The following TRIQK variants were observed in gnomAD, a reference collection of about 807,000 sequenced individuals.
The protein encoded by TRIQK is triple QxxK/R motif containing, also known as triple QxxK/R motif-containing protein.
TRIQK carries 10 observed loss-of-function variants against 10.8 expected under a neutral mutation model. The ratio of observed to expected loss-of-function variants is 0.92; its 90% CI spans 0.57 to 1.57. The LOEUF (loss-of-function observed/expected upper bound fraction) is 1.57. Among genes scored for constraint, TRIQK ranks in the 40% most tolerant of loss-of-function variants. The probability of loss-of-function intolerance (pLI) is 0.00; values close to 1 mark genes in which losing one functional copy is unlikely to be tolerated. For missense variants in TRIQK, 107 were observed against 97.7 expected, an observed-to-expected ratio of 1.09 and a Z score of -0.40; for synonymous variants, 33 against 33.7, an observed-to-expected ratio of 0.98 and a Z score of 0.07.
intron 3 of TRIQK, among the ~76,000 whole-genome samples, chr8:92,915,287 C>A (rs1469076935): frequency 2.0e-5 from 3 of 152,014 alleles, no homozygotes; most frequent in Admixed American, 2.0e-4. Context: ...ATCTAATATA[C>A]CACATGAGAA....
chr8:92,904,321 C>A (rs1809128280), intron 3 of TRIQK, among the ~76,000 whole-genome samples: 2 of 152,100 alleles, frequency 1.3e-5, no homozygotes, highest in South Asian at 4.2e-4. Context: ...AACTATTACT[C>A]CCTTTCTTTA....
chr8:92,961,045 C>T lies in TRIQK; in HGVS notation c.-181+4962G>A, dbSNP rs189924136. Among the ~76,000 whole-genome samples, 44 of 152,208 alleles carry T rather than the reference C, an allele frequency of 2.9e-4. 2 individuals are homozygous for T. The highest frequency in any genetic ancestry group is 2.0e-3 in the Admixed American group (31 of 15,286). ...GCCATGTATTCTTGAATGTGTTGGA[C>T]GGCAAATAACTCCCCGAAATGTTCT... On this transcript the variant is annotated intron_variant, in intron 1 of 4. Transcript: ENST00000521988.
intron 2 of TRIQK, among the ~76,000 whole-genome samples, chr8:92,936,480 G>A (rs1270789280): frequency 6.6e-6 from 1 of 151,580 alleles, no homozygotes; most frequent in Non-Finnish European, 1.5e-5. Context: ...GAGGGAGGCA[G>A]GAAGGAGAAA....
intron 1 of TRIQK, among the ~76,000 whole-genome samples, chr8:93,007,725 A>G (rs1813288838): frequency 1.3e-5 from 2 of 152,202 alleles, no homozygotes; most frequent in African/African-American, 4.8e-5. Flanking sequence ...AGAACTTCAC[A>G]ATGCAAAGAC....
At chr8:92,898,931 G>A (rs898348268) in intron 3 of TRIQK, among the ~76,000 whole-genome samples, 1 of 142,066 alleles carries the variant, frequency 7.0e-6, no homozygotes, top group Non-Finnish European at 1.5e-5. Context: ...ATCACATCAG[G>A]GTAAATGCGG....
chr8:92,991,513 A>G (rs1813096292), intron 1 of TRIQK, among the ~76,000 whole-genome samples: 1 of 152,152 alleles, frequency 6.6e-6, no homozygotes, highest in Admixed American at 6.5e-5. Context: ...TCTCAAAATA[A>G]TAAGAGCTAT....
chr8:92,889,146 T>C (rs923020178), intron 4 of TRIQK, among the ~76,000 whole-genome samples: 7 of 151,632 alleles, frequency 4.6e-5, no homozygotes, highest in Non-Finnish European at 8.9e-5. Flanking sequence ...TAATATCTTA[T>C]ATGGAAATTG....
At chr8:92,922,155 C>G (rs922758344) in intron 2 of TRIQK, 1 of 151,642 alleles carries the variant, frequency 6.6e-6, no homozygotes, top group African/African-American at 2.4e-5. Flanking sequence ...GCAATAAAAT[C>G]AAGACAGCAC....
At chr8:92,996,730 A>G (rs1335329052) in intron 1 of TRIQK, among the ~76,000 whole-genome samples, 2 of 151,988 alleles carry the variant, frequency 1.3e-5, no homozygotes, top group African/African-American at 4.8e-5. Context: ...CTGTTTTATT[A>G]TTACTAAAGG....
chr8:92,918,957 A>G (rs1459446386), intron 2 of TRIQK, among the ~76,000 whole-genome samples: 1 of 151,872 alleles, frequency 6.6e-6, no homozygotes, highest in Non-Finnish European at 1.5e-5. Context: ...CAGTTTTCCC[A>G]GGACCATTTA....
intron 3 of TRIQK, among the ~76,000 whole-genome samples, chr8:92,910,042 A>G (rs1315017689): frequency 1.3e-5 from 2 of 151,634 alleles, no homozygotes; most frequent in Admixed American, 6.6e-5. Context: ...GGTTAGGTTA[A>G]ACAAAGGGTA....
chr8:92,964,590 TCTAAATAACC>T lies in TRIQK; in HGVS notation c.-181+1407_-181+1416del, dbSNP rs1812639658. Among the ~76,000 whole-genome samples, 5 of 148,162 alleles carry T rather than the reference TCTAAATAACC, an allele frequency of 3.4e-5. 1 individual carries two copies. The South Asian group carries it at 8.4e-4, about 25-fold the overall frequency. ...TAGATGAGTTAATTTCTTCCCCATT[TCTAAATAACC>T]CTAAGATTAAAAAAAAAAAAAATCA... On this transcript the variant is annotated intron_variant, in intron 1 of 4. Coordinates refer to ENST00000521988, the MANE Select transcript of TRIQK (RefSeq NM_001171797.2).
At chr8:92,893,682 A>G (rs1455374191) in intron 3 of TRIQK, among the ~76,000 whole-genome samples, 2 of 152,018 alleles carry the variant, frequency 1.3e-5, no homozygotes, top group East Asian at 1.9e-4. Context: ...TGAGCTATAA[A>G]CAGTTCAGAA....
chr8:93,003,104 A>C (rs1196513797), intron 1 of TRIQK, among the ~76,000 whole-genome samples: 6 of 152,128 alleles, frequency 3.9e-5, no homozygotes, highest in Non-Finnish European at 8.8e-5. Context: ...TGAGTTTCTT[A>C]ACATTAAAAA....
In TRIQK at chr8:92,959,424, C is replaced by A. The variant is rs1424795455; in HGVS notation, c.-180-4860G>T. Among the ~76,000 whole-genome samples, 6 of 148,734 alleles carry A rather than the reference C, an allele frequency of 4.0e-5. No homozygotes were observed. The East Asian group carries it at 1.2e-3, about 31-fold the overall frequency. ...TTTTATATTAGCAGTCAATTTTTAG[C>A]TATATTTAACAAAACTATTTAAAGT... On this transcript the variant is annotated intron_variant, in intron 1 of 4. Coordinates refer to ENST00000521988, the MANE Select transcript of TRIQK (RefSeq NM_001171797.2).
intron 3 of TRIQK, among the ~76,000 whole-genome samples, chr8:92,895,871 G>A (rs1262065537): frequency 6.6e-6 from 1 of 152,040 alleles, no homozygotes; most frequent in Admixed American, 6.6e-5. Flanking sequence ...ACAATTAAAA[G>A]AGAAACAGGA....
chr8:92,975,566 T>G (rs1812921984), intron 1 of TRIQK, among the ~76,000 whole-genome samples: 1 of 152,122 alleles, frequency 6.6e-6, no homozygotes. Flanking sequence ...GCAGTTTGTC[T>G]TATTTTTCTG....
chr8:92,939,109 T>C (rs1811142711), intron 2 of TRIQK, among the ~76,000 whole-genome samples: 1 of 152,198 alleles, frequency 6.6e-6, no homozygotes, highest in Non-Finnish European at 1.5e-5. Flanking sequence ...TTTAAAACAA[T>C]TGGGGCTTTT....
chr8:92,930,146 G>C (rs983138603), intron 2 of TRIQK, among the ~76,000 whole-genome samples: 1 of 151,670 alleles, frequency 6.6e-6, no homozygotes, highest in Non-Finnish European at 1.5e-5. Context: ...GGGAGGCCAA[G>C]GCGGGCAGAT....
Sources: gnomAD v4.1 joint callset for allele counts (sites outside exome capture counted in the v4.1 genomes callset) on GRCh38, gnomAD v4.1.1 for gene constraint, MANE v1.5 for transcripts, NCBI Gene and HGNC (gene_info 2026-07-23, HGNC 2026-07-21) for gene names.